GAS6: variants seen among roughly 807,000 people sequenced by gnomAD.
GAS6 encodes the protein growth arrest-specific protein 6.
GAS6 carries 41 observed loss-of-function variants against 75.8 expected under a neutral mutation model. That is an observed-to-expected ratio of 0.54 (90% CI 0.42 to 0.70). The LOEUF is 0.70. Ranked by LOEUF, GAS6 falls within the 30% of genes least tolerant of loss-of-function variation. GAS6 has a pLI of 0.00. For synonymous variants in GAS6, 432 were observed against 412.6 expected, an observed-to-expected ratio of 1.05 and a Z score of -0.57; for missense variants, 854 against 940.2, an observed-to-expected ratio of 0.91 and a Z score of 1.20.
At chr13:113,835,097 G>A (rs1055190371) in intron 7 of GAS6, among the ~76,000 whole-genome samples, 1 of 152,218 alleles carries the variant, frequency 6.6e-6, no homozygotes, top group South Asian at 2.1e-4. Flanking sequence ...TGCCTACTCA[G>A]CCCCACTGTT....
chr13:113,850,950 C>T (rs547892800), intron 2 of GAS6, among the ~76,000 whole-genome samples: 17 of 151,624 alleles, frequency 1.1e-4, no homozygotes, highest in African/African-American at 3.6e-4. Context: ...CAGACAGATG[C>T]ATGGATGGAT....
rs1392918294 is a variant in GAS6, at chr13:113,848,124, G to A, written c.256-74C>T. 7.9e-6 allele frequency: 12 copies of A among 1,516,490 alleles called. No homozygotes were observed. Among genetic ancestry groups the A allele is most frequent in the Non-Finnish European group, 9.0e-6 (10 of 1,106,922 alleles). 93.9% of individuals were successfully genotyped at this position (1,516,490 alleles called of 1,614,324 possible). A position where few individuals can be genotyped will look rare whatever the true frequency, so the allele number is the denominator to read the frequency against. On this transcript the variant is annotated intron_variant, in intron 2 of 14. Transcript: ENST00000327773. This position sits in a 1 kb window ranked among gnomAD's most constrained non-coding sequence, Gnocchi z 4.8. ...GGGTCTCTGAACAACATAAGCATCAGCTGGTTAATCAGAGGCTGCTCTCGG... is the reference window on the plus strand; with the variant it reads ...GGGTCTCTGAACAACATAAGCATCAACTGGTTAATCAGAGGCTGCTCTCGG...
intron 2 of GAS6, among the ~76,000 whole-genome samples, chr13:113,853,252 C>T (rs2051889984): frequency 6.6e-6 from 1 of 152,230 alleles, no homozygotes; most frequent in Admixed American, 6.5e-5. Context: ...ATTTCCTAAA[C>T]ACCTTCATCT....
chr13:113,826,891 T>A, intron 12 of GAS6, 105 bp downstream of exon 12: 2 of 237,000 alleles, frequency 8.4e-6, no homozygotes, highest in Non-Finnish European at 1.2e-5. Flanking sequence ...CGGAGGAGCC[T>A]CAGCTTGTCC....
intron 2 of GAS6, among the ~76,000 whole-genome samples, chr13:113,859,466 A>G (rs958203949): frequency 2.6e-5 from 4 of 151,084 alleles, no homozygotes; most frequent in African/African-American, 9.8e-5. Flanking sequence ...ACGTATGTCT[A>G]TGTGAATGTG....
chr13:113,834,284 G>A (rs2051671835), intron 8 of GAS6, among the ~76,000 whole-genome samples: 1 of 152,198 alleles, frequency 6.6e-6, no homozygotes, highest in East Asian at 1.9e-4. Flanking sequence ...CGGCAGAGTG[G>A]GGACCGTGCC....
chr13:113,826,919 GC>G, intron 12 of GAS6, 76 bp downstream of exon 12: 1 of 1,061,428 alleles, frequency 9.4e-7, no homozygotes, highest in South Asian at 2.0e-5. Flanking sequence ...GCCATCTGAG[GC>G]CGTCTGCTTG....
chr13:113,828,486 G>A, intron 11 of GAS6, 61 bp downstream of exon 11: 2 of 1,546,504 alleles, frequency 1.3e-6, no homozygotes, highest in Non-Finnish European at 1.8e-6. Flanking sequence ...GAGGCTTCCT[G>A]ACACCGTTCC....
chr13:113,859,909 C>G (rs80079950), intron 2 of GAS6, among the ~76,000 whole-genome samples: 11,859 of 152,238 alleles, frequency 0.078, 582 homozygotes, highest in East Asian at 0.17. Context: ...ACATCTGGGC[C>G]TGTGTCCCAG....
At chr13:113,826,461 CCGGCCTCG>C (rs2051543201) in intron 12 of GAS6, among the ~76,000 whole-genome samples, 6 of 107,142 alleles carry the variant, frequency 5.6e-5, no homozygotes, top group African/African-American at 1.8e-4. Flanking sequence ...CCTCCCGGCG[CCGGCCTCG>C]CAGGCACCTT....
intron 12 of GAS6, among the ~76,000 whole-genome samples, chr13:113,826,557 T>G (rs1231370637): frequency 3.0e-5 from 3 of 101,486 alleles, no homozygotes; most frequent in Admixed American, 9.6e-5. Flanking sequence ...GCAGGCACCT[T>G]CTCTCCCCGG....
intron 11 of GAS6, among the ~76,000 whole-genome samples, chr13:113,827,654 T>G (rs34551980): frequency 0.38 from 56,976 of 151,488 alleles, 13,639 homozygotes; most frequent in African/African-American, 0.69. Flanking sequence ...GGGGAGCAGG[T>G]GCCCCTCACA....
chr13:113,822,059 C>A lies in GAS6; in HGVS notation c.1781G>T (p.Arg594Met). The change falls in exon 14 of 15, where the codon AGG becomes ATG. Residue 594 changes from arginine (R) to methionine (M), a missense_variant. Physicochemically the swap from Arg to Met is moderately conservative, Grantham distance 91. Coordinates refer to ENST00000327773, the MANE Select transcript of GAS6 (RefSeq NM_000820.4). ...CGCGGCGCTCACCTCGCTCTGGCCC[C>A]TGGTGCCGTCCACCTCCAGGGTGGC... is the stretch of plus-strand genomic sequence containing the variant. The part of the protein sequence containing the change: ...GEATLEVDGT[R>M]GQSEVSAAQL... 6.3e-7 allele frequency: 1 copy of A among 1,587,858 alleles called. No homozygotes were observed. Among genetic ancestry groups the A allele is most frequent in the Non-Finnish European group, 8.6e-7 (1 of 1,169,108 alleles).
At chr13:113,833,582 C>A (rs1345890108) in intron 8 of GAS6, 9 of 1,019,634 alleles carry the variant, frequency 8.8e-6, no homozygotes, top group Non-Finnish European at 1.1e-5. Flanking sequence ...TGTGACAGGT[C>A]AGTGTGACAG....
At chr13:113,828,473 A>G in intron 11 of GAS6, 74 bp downstream of exon 11, 2 of 1,495,298 alleles carry the variant, frequency 1.3e-6, no homozygotes, top group Non-Finnish European at 1.8e-6. Context: ...GCAGGGTGTG[A>G]CTGAGGCTTC....
chr13:113,837,991 C>T lies in GAS6; in HGVS notation c.589+78G>A. 6.4e-7 allele frequency: 1 copy of T among 1,561,100 alleles called. No individual in the cohort carries two copies. Among genetic ancestry groups the T allele is most frequent in the South Asian group, 1.1e-5 (1 of 87,862 alleles). ...ACAGGAACCCAGCCAGCAGCAGCCGCTTGCAGAAGAGCAGACATGACCGAA... is the reference window on the plus strand; with the variant it reads ...ACAGGAACCCAGCCAGCAGCAGCCGTTTGCAGAAGAGCAGACATGACCGAA... On this transcript the variant is annotated intron_variant, in intron 6 of 14. Transcript: ENST00000327773. This position sits in a 1 kb window ranked among gnomAD's most constrained non-coding sequence, Gnocchi z 5.1.
chr13:113,827,790 G>A lies in GAS6; in HGVS notation c.1309-626C>T, dbSNP rs576743261. On this transcript the variant is annotated intron_variant, in intron 11 of 14. Coordinates refer to ENST00000327773, the MANE Select transcript of GAS6 (RefSeq NM_000820.4). ...ACCCAGGATGACGGCTTAGACGTCA[G>A]CACGTGGGGGCTGGAGACACAGGTC... Among the ~76,000 whole-genome samples, 7 of 152,328 alleles carry A rather than the reference G, an allele frequency of 4.6e-5. No homozygotes were observed. In the East Asian group the frequency reaches 1.4e-3, roughly 29 times the overall value.
intron 8 of GAS6, chr13:113,833,208 G>A: frequency 1.8e-6 from 2 of 1,102,698 alleles, no homozygotes; most frequent in East Asian, 7.1e-5. Context: ...GACACCCCTG[G>A]AAGATGGAGG....
At chr13:113,849,240 C>T (rs1013128203) in intron 2 of GAS6, among the ~76,000 whole-genome samples, 3 of 152,180 alleles carry the variant, frequency 2.0e-5, no homozygotes, top group Admixed American at 2.0e-4. Flanking sequence ...GTGCAGCTCA[C>T]GTGTCTGTTG....
Sources: allele counts gnomAD v4.1 joint callset (sites outside exome capture counted in the v4.1 genomes callset), GRCh38; gene constraint gnomAD v4.1.1; non-coding constraint Gnocchi (gnomAD v3.1); transcripts MANE v1.5; gene names NCBI Gene and HGNC (gene_info 2026-07-23, HGNC 2026-07-21).